Variants in CCNH observed in about 807,000 individuals in gnomAD.
The protein encoded by CCNH is cyclin-H.
In CCNH, 31 loss-of-function variants were observed where a neutral mutation model predicts 41.9. The observed-to-expected ratio is 0.74, with a 90% CI of 0.56 to 1.00. CCNH has a LOEUF of 1.00. CCNH is among the 50% of genes least tolerant of loss of function. CCNH has a pLI of 0.00. For missense variants in CCNH, 362 were observed against 388.4 expected (o/e 0.93, Z 0.57); for synonymous variants, 138 against 136.1 (o/e 1.01, Z -0.10).
At chr5:87,319,833 G>T (rs1373587495) in intron 9 of CCNH, among the ~76,000 whole-genome samples, 1 of 152,138 alleles carries the variant, frequency 6.6e-6, no homozygotes, top group African/African-American at 2.4e-5. Flanking sequence ...AAATGGGTTT[G>T]TCTTTTCTAT....
intron 5 of CCNH, among the ~76,000 whole-genome samples, chr5:87,403,928 T>C (rs576134838): frequency 1.4e-4 from 22 of 152,252 alleles, no homozygotes; most frequent in Admixed American, 3.3e-4. Flanking sequence ...TAGTAGTACA[T>C]AGAAGGTATC....
chr5:87,379,434 TTAAA>T (rs1040679688), upstream of CCNH, among the ~76,000 whole-genome samples: 5 of 152,206 alleles, frequency 3.3e-5, no homozygotes, highest in African/African-American at 1.2e-4. Flanking sequence ...TTATTAGCCA[TTAAA>T]TAAGCCTCAT....
intron 9 of CCNH, among the ~76,000 whole-genome samples, chr5:87,327,314 C>T (rs774661547): frequency 9.9e-5 from 15 of 152,082 alleles, no homozygotes; most frequent in Admixed American, 1.3e-4. Flanking sequence ...GTCTTTTAAC[C>T]GTTCTACTAT....
chr5:87,401,749 A>G lies in CCNH; in HGVS notation c.713T>C (p.Leu238Pro). The G allele has an allele frequency of 6.3e-7, 1 of 1,589,202 alleles. No homozygotes were observed. The highest frequency in any genetic ancestry group is 8.5e-7 in the Non-Finnish European group (1 of 1,170,184). The change falls in exon 6 of 9, where the codon CTG becomes CCG. Residue 238 changes from leucine (L) to proline (P), a missense_variant. Coordinates refer to ENST00000256897, the MANE Select transcript of CCNH (RefSeq NM_001239.4). The stretch of plus-strand genomic sequence containing the variant: ...TGACAGGCAAGTTCTGTTCTCTTTC[A>G]GCATCAGACTCTCTGATAAATAACT... Reference protein sequence around the residue: ...MESYLSESLMLKENRTCLSQL... With the variant: ...MESYLSESLMPKENRTCLSQL...
intron 6 of CCNH, among the ~76,000 whole-genome samples, chr5:87,401,471 ACT>A (rs1416764485): frequency 3.3e-5 from 5 of 152,180 alleles, no homozygotes; most frequent in African/African-American, 4.8e-5. Context: ...TCTAAATCTG[ACT>A]CTATTTTCAC....
chr5:87,386,735 T>C, downstream of CCNH: 1 of 1,096,598 alleles, frequency 9.1e-7, no homozygotes, highest in Non-Finnish European at 1.4e-6. Flanking sequence ...TTGCAGTTTT[T>C]GCTGTTAACT....
intron 9 of CCNH, chr5:87,341,436 A>T (rs1159632983): frequency 5.3e-6 from 3 of 568,520 alleles, no homozygotes; most frequent in Non-Finnish European, 5.3e-6. Context: ...CTTAACTTTT[A>T]AATTTGGCTT....
chr5:87,333,744 T>C (rs1308100673), intron 9 of CCNH, among the ~76,000 whole-genome samples: 1 of 152,142 alleles, frequency 6.6e-6, no homozygotes, highest in Non-Finnish European at 1.5e-5. Flanking sequence ...ACATGTTAGT[T>C]TGTGGTTTTA....
At chr5:87,366,954 C>T (rs1247045078) in intron 9 of CCNH, among the ~76,000 whole-genome samples, 2 of 152,140 alleles carry the variant, frequency 1.3e-5, no homozygotes, top group Admixed American at 1.3e-4. Flanking sequence ...ATTGTCTGAG[C>T]CCAGGCTCAC....
rs757154079 is a variant in CCNH at position 87,362,641 on chromosome 5, A to G, written c.*90+30129T>C. On this transcript the variant is annotated intron_variant and NMD_transcript_variant, in intron 9 of 9. Coordinates refer to the CCNH transcript ENST00000645953. ...AACAAAGGATGCCTTTTATAAAAAC[A>G]TTGTTAAGAAAGGTTATCTTCTGAA... 11 of 1,603,468 alleles carry G rather than the reference A, an allele frequency of 6.9e-6. No individual in the cohort carries two copies. The highest frequency in any genetic ancestry group is 1.7e-4 in the Middle Eastern group (1 of 6,056).
chr5:87,324,005 T>C (rs902604542), intron 9 of CCNH, among the ~76,000 whole-genome samples: 9 of 152,206 alleles, frequency 5.9e-5, no homozygotes, highest in African/African-American at 1.2e-4. Context: ...TTTACTGTTA[T>C]ATTCTACCAT....
intron 9 of CCNH, among the ~76,000 whole-genome samples, chr5:87,367,029 TCAAA>T: frequency 6.6e-6 from 1 of 152,342 alleles, no homozygotes; most frequent in East Asian, 1.9e-4. Context: ...AGGCCCGGTC[TCAAA>T]CAAAACTAAA....
At chr5:87,348,556 T>A (rs555887311) in intron 9 of CCNH, among the ~76,000 whole-genome samples, 3 of 152,204 alleles carry the variant, frequency 2.0e-5, no homozygotes, top group African/African-American at 7.2e-5. Flanking sequence ...TGATTTTTGA[T>A]AATGTATACA....
chr5:87,318,020 T>C (rs1756480642), downstream of CCNH, among the ~76,000 whole-genome samples: 1 of 152,266 alleles, frequency 6.6e-6, no homozygotes, highest in Admixed American at 6.5e-5. Context: ...TAATAGATAG[T>C]TGTAATGAAA....
intron 9 of CCNH, among the ~76,000 whole-genome samples, chr5:87,368,754 C>T (rs1358654257): frequency 6.6e-6 from 1 of 152,178 alleles, no homozygotes; most frequent in Non-Finnish European, 1.5e-5. Flanking sequence ...GTCTCAGCTA[C>T]ACAGCCAGCT....
rs115868378 is a variant in CCNH, at chr5:87,341,528, A to G, written c.*91-22631T>C. Among the ~76,000 whole-genome samples, 1,340 of 152,250 alleles carry G rather than the reference A, an allele frequency of 8.8e-3. 21 individuals are homozygous for G. The highest frequency in any genetic ancestry group is 0.028 in the African/African-American group (1,171 of 41,572). ...AATAAAAGGTAGCTGATAACTAAAT[A>G]TAACTCTTTTTATCACCACACTGAA... On this transcript the variant is annotated intron_variant and NMD_transcript_variant, in intron 9 of 9. Coordinates refer to the CCNH transcript ENST00000645953.
At chr5:87,389,825 GATTTT>G (rs1446184126), downstream of CCNH, among the ~76,000 whole-genome samples, 2 of 152,100 alleles carry the variant, frequency 1.3e-5, no homozygotes, top group African/African-American at 4.8e-5. Flanking sequence ...AGTCAATATT[GATTTT>G]ATTTTTTTTT....
chr5:87,346,937 G>A (rs1758906535), intron 9 of CCNH, among the ~76,000 whole-genome samples: 1 of 151,788 alleles, frequency 6.6e-6, no homozygotes, highest in African/African-American at 2.4e-5. Context: ...TTTACCCCAG[G>A]CCCCTGTCCA....
At chr5:87,371,838 A>AT (rs937494877), downstream of CCNH, among the ~76,000 whole-genome samples, 2 of 152,092 alleles carry the variant, frequency 1.3e-5, no homozygotes, top group African/African-American at 4.8e-5. Flanking sequence ...TGTAAATTTG[A>AT]TTTTTTGGCT....
Sources: allele counts gnomAD v4.1 joint callset (sites outside exome capture counted in the v4.1 genomes callset), GRCh38; gene constraint gnomAD v4.1.1; transcripts MANE v1.5; gene names NCBI Gene and HGNC (gene_info 2026-07-23, HGNC 2026-07-21).